RNF213: variants seen among roughly 807,000 people sequenced by gnomAD.
RNF213 encodes E3 ubiquitin-protein ligase RNF213.
RNF213 carries 341 observed loss-of-function variants against 514.4 expected under a neutral mutation model. The ratio of observed to expected loss-of-function variants is 0.66; its 90% CI spans 0.61 to 0.73. The LOEUF is 0.73. Among genes scored for constraint, RNF213 ranks in the 30% least tolerant of loss-of-function variants. The probability of loss-of-function intolerance (pLI) is 0.00; values close to 1 mark genes in which losing one functional copy is unlikely to be tolerated. For synonymous variants in RNF213, 2,655 were observed against 2,658.2 expected, an observed-to-expected ratio of 1.00 and a Z score of 0.04; for missense variants, 5,767 against 6,615.6, an observed-to-expected ratio of 0.87 and a Z score of 4.45.
chr17:80,346,342 C>G lies in RNF213; in HGVS notation c.8007C>G (p.Ser2669=). 1 of 1,613,790 alleles carries G rather than the reference C, an allele frequency of 6.2e-7. No individual in the cohort carries two copies. Among genetic ancestry groups the G allele is most frequent in the Non-Finnish European group, 8.5e-7 (1 of 1,180,024 alleles). Residue 2669 remains serine (S), a synonymous_variant, in exon 29 of 68, where the codon TCC becomes TCG. Coordinates refer to ENST00000582970, the MANE Select transcript of RNF213 (RefSeq NM_001256071.3). The surrounding 1 kb of genome is among the most constrained non-coding windows in gnomAD (Gnocchi z 8.1). ...LAQLNAFLSK[S]SVSKNHTERD... ...AGCTGAATGCCTTTCTCTCCAAGTC[C>G]AGCGTCAGCAAAAATCACACCGAGA...
At chr17:80,325,913 G>A (rs1277509688) in intron 18 of RNF213, among the ~76,000 whole-genome samples, 1 of 151,484 alleles carries the variant, frequency 6.6e-6, no homozygotes, top group Non-Finnish European at 1.5e-5. Context: ...CTACTCTCTT[G>A]AAAAGATCAT....
At chr17:80,388,484 T>C in intron 63 of RNF213, 128 bp from the exon 64 acceptor site, 1 of 753,914 alleles carries the variant, frequency 1.3e-6, no homozygotes, top group Non-Finnish European at 2.4e-6. Flanking sequence ...GGGGCGCTCT[T>C]AGCCAAGGGA....
In RNF213 at chr17:80,294,739, C is replaced by T; in HGVS notation, c.1491C>T (p.Asp497=). 1.2e-6 allele frequency: 2 copies of T among 1,614,034 alleles called. No homozygotes were observed. Among genetic ancestry groups the T allele is most frequent in the Non-Finnish European group, 1.7e-6 (2 of 1,180,040 alleles). Residue 497 remains aspartate (D), a synonymous_variant, in exon 9 of 68, where the codon GAC becomes GAT. Transcript: ENST00000582970. ...TCTTAGACTGGCATCAGTACTATGA[C>T]ATAGTTTATATGAAGCCTCATGGGA... ...LGSGDWHQYY[D]IVYMKPHGRL... is the part of the protein sequence containing the mutation.
Position 80,320,120 on chromosome 17 carries a change from A to AC in RNF213, c.3024+808_3024+809insC, listed in dbSNP as rs2046090752. On this transcript the variant is annotated intron_variant, in intron 17 of 67. Transcript: ENST00000582970. ...GATATGTACAGTCATCACCACAGTTAATGACAGAGCATTTTCATCACTTCA... is the reference window on the plus strand; with the variant it reads ...GATATGTACAGTCATCACCACAGTTACATGACAGAGCATTTTCATCACTTCA... 1.8e-5 allele frequency: 11 copies of AC among 599,494 alleles called. No individual in the cohort carries two copies. The South Asian group carries it at 5.8e-4, about 31-fold the overall frequency. The allele number at this position is 599,494 out of a possible 1,614,324, so 37.1% of individuals were successfully genotyped here.
At position 80,385,612 on chromosome 17, in the gene RNF213, G is replaced by A; in HGVS notation, c.14530G>A (p.Glu4844Lys). 1 of 1,614,056 alleles carries A rather than the reference G, an allele frequency of 6.2e-7. No homozygotes were observed. Among genetic ancestry groups the A allele is most frequent in the Non-Finnish European group, 8.5e-7 (1 of 1,179,916 alleles). Residue 4844 changes from glutamate to lysine, a missense_variant, in exon 61 of 68, where the codon GAG (glutamate) becomes AAG (lysine). Coordinates refer to ENST00000582970, the MANE Select transcript of RNF213 (RefSeq NM_001256071.3). ...STWNKLRRSL[E>K]TNGEINLPKD... The stretch of plus-strand genomic sequence containing the variant: ...ATGGAACAAACTGAGGAGATCGCTT[G>A]AGACGAACGGTTAGTATCCTGTCCC...
rs556650299 is a variant in RNF213, at chr17:80,300,316, G to A, written c.2210+1798G>A. Among the ~76,000 whole-genome samples, 170 of 150,980 alleles carry A rather than the reference G, an allele frequency of 1.1e-3. 1 individual carries two copies. Among genetic ancestry groups the A allele is most frequent in the African/African-American group, 4.0e-3 (166 of 41,064 alleles). ...GTCTGGCTCTGTCACCCAGGCTGGA[G>A]TGCAGTGGTGTGATCTCAGCTCACT... On this transcript the variant is annotated intron_variant, in intron 11 of 67. Coordinates refer to ENST00000582970, the MANE Select transcript of RNF213 (RefSeq NM_001256071.3).
Position 80,288,398 on chromosome 17 carries a change from A to G in RNF213, c.810+35A>G, listed in dbSNP as rs1358032030. 6.2e-7 allele frequency: 1 copy of G among 1,609,328 alleles called. No homozygotes were observed. Among genetic ancestry groups the G allele is most frequent in the Non-Finnish European group, 8.5e-7 (1 of 1,179,478 alleles). ...CCGGGAGAGATGGCCTGGGAGTGGC[A>G]CTGAGCCCTCGGCACCTGGGCTCTG... On this transcript the variant is annotated intron_variant, in intron 4 of 67. Coordinates refer to ENST00000582970, the MANE Select transcript of RNF213 (RefSeq NM_001256071.3). This position sits in a 1 kb window ranked among gnomAD's most constrained non-coding sequence, Gnocchi z 4.9.
Position 80,294,925 on chromosome 17 carries a change from T to G in RNF213, c.1677T>G (p.Phe559Leu). 2.5e-6 allele frequency: 4 copies of G among 1,614,192 alleles called. No individual in the cohort carries two copies. The highest frequency in any genetic ancestry group is 3.4e-6 in the Non-Finnish European group (4 of 1,180,046). Reference sequence around the variant, plus strand: ...GCTTCTTCACCCAGTTCGAGCAGTTTTGCTTTGTCCTGCAACAGCCTATGA... The same window carrying G: ...GCTTCTTCACCCAGTTCGAGCAGTTGTGCTTTGTCCTGCAACAGCCTATGA... ...LNSFFTQFEQ[F>L]CFVLQQPMIY... The change falls in exon 9 of 68, where the codon TTT becomes TTG. Residue 559 changes from phenylalanine to leucine, a missense_variant. This residue lies in a region of RNF213 where 592 missense variants were observed against 673.9 expected (regional missense o/e 0.88). Coordinates refer to ENST00000582970, the MANE Select transcript of RNF213 (RefSeq NM_001256071.3).
rs1222568471 is a variant in RNF213 at position 80,343,728 on chromosome 17, G to T, written c.6184-129G>T. The T allele has an allele frequency of 2.1e-6, 2 of 974,474 alleles. No homozygotes were observed. Among genetic ancestry groups the T allele is most frequent in the Middle Eastern group, 3.1e-4 (1 of 3,232 alleles). 60.4% of individuals were successfully genotyped at this position (974,474 alleles called of 1,614,324 possible). On this transcript the variant is annotated intron_variant, in intron 27 of 67. Transcript: ENST00000582970. This position sits in a 1 kb window ranked among gnomAD's most constrained non-coding sequence, Gnocchi z 4.3. ...GCTGCCCTTGGAGACATGGGCCGTTGTTGGCTGAAATGTTGATGTTGATCA... is the reference window on the plus strand; with the variant it reads ...GCTGCCCTTGGAGACATGGGCCGTTTTTGGCTGAAATGTTGATGTTGATCA...
intron 42 of RNF213, among the ~76,000 whole-genome samples, chr17:80,366,156 G>A (rs1221113552): frequency 6.6e-6 from 1 of 152,232 alleles, no homozygotes; most frequent in Non-Finnish European, 1.5e-5. Context: ...TCCGCCGTGA[G>A]GCTGGCTCCC....
chr17:80,261,325 G>A (rs913546043), intron 1 of RNF213, among the ~76,000 whole-genome samples: 8 of 152,258 alleles, frequency 5.3e-5, no homozygotes, highest in Admixed American at 6.5e-5. Context: ...ACGGAAAAGT[G>A]AAGTTGCAAA....
Position 80,334,228 on chromosome 17 carries a change from C to G in RNF213, c.4267C>G (p.Leu1423Val), listed in dbSNP as rs1299935566. The G allele has an allele frequency of 1.3e-6, 2 of 1,537,060 alleles. No individual in the cohort carries two copies. Among genetic ancestry groups the G allele is most frequent in the Non-Finnish European group, 8.7e-7 (1 of 1,146,890 alleles). ...GTGCAAGGGGCTGCAGGCTCTGTCC[C>G]TGAGAAAGGAGTTCATCTGCTGGGT... Reference protein sequence around the residue: ...ARCKGLQALSLRKEFICWVRE... With the variant: ...ARCKGLQALSVRKEFICWVRE... The change falls in exon 22 of 68, where the codon CTG becomes GTG. Residue 1423 changes from leucine (L) to valine (V), a missense_variant. This residue lies in a region of RNF213 where 516 missense variants were observed against 566.5 expected (regional missense o/e 0.91). Coordinates refer to ENST00000582970, the MANE Select transcript of RNF213 (RefSeq NM_001256071.3).
At chr17:80,298,300 G>A (rs1228655484) in intron 10 of RNF213, 21 bp from the exon 11 acceptor site, 16 of 1,613,004 alleles carry the variant, frequency 9.9e-6, no homozygotes, top group Non-Finnish European at 1.4e-5. Context: ...AGCTCACTGC[G>A]GGATCTTTAT....
At chr17:80,324,965 T>C in intron 17 of RNF213, 65 bp from the exon 18 acceptor site, 2 of 1,467,678 alleles carry the variant, frequency 1.4e-6, no homozygotes, top group Non-Finnish European at 1.8e-6. Flanking sequence ...TAATTTGCTT[T>C]TGTTATTTCA....
rs1007779074 is a variant in RNF213 at position 80,332,115 on chromosome 17, G to A, written c.3627G>A (p.Thr1209=). The A allele has an allele frequency of 9.1e-6, 14 of 1,537,058 alleles. No homozygotes were observed. Among genetic ancestry groups the A allele is most frequent in the African/African-American group, 2.7e-5 (2 of 73,034 alleles). ...LSTSSNSQRA[T]HYHLSSQVQE... ...CCTCCTCGAACTCGCAGAGGGCAAC[G>A]CATTACCACCTGAGCTCCCAGGTCC... is the stretch of plus-strand genomic sequence containing the variant. The change falls in exon 21 of 68, where the codon ACG becomes ACA. Residue 1209 remains threonine, a synonymous_variant. Transcript: ENST00000582970.
chr17:80,290,346 CGTGTGCATGTAT>C (rs760249870), intron 6 of RNF213, among the ~76,000 whole-genome samples: 5 of 148,848 alleles, frequency 3.4e-5, no homozygotes, highest in Admixed American at 1.3e-4. Context: ...CACGTGTGTG[CGTGTGCATGTAT>C]GTGTGCGTGT....
intron 3 of RNF213, among the ~76,000 whole-genome samples, chr17:80,287,516 A>ATAAG (rs1288493478): frequency 2.0e-5 from 3 of 152,168 alleles, no homozygotes; most frequent in African/African-American, 7.2e-5. Context: ...AAATAAATAA[A>ATAAG]TACAAATCCA....
intron 21 of RNF213, chr17:80,333,706 C>A (rs1325761407): frequency 1.5e-4 from 25 of 165,482 alleles, no homozygotes; most frequent in Middle Eastern, 6.1e-3. Flanking sequence ...AAAAAAAAAA[C>A]CAAAAAAAAA....
In RNF213 at chr17:80,368,141, C is replaced by T. The variant is rs555217083; in HGVS notation, c.12153C>T (p.His4051=). 1 of 1,614,176 alleles carries T rather than the reference C, an allele frequency of 6.2e-7. No individual in the cohort carries two copies. The highest frequency in any genetic ancestry group is 2.2e-5 in the East Asian group (1 of 44,888). ...DEFSPAVSQA[H]REAIEKHARF... ...TCTCTCCAGCTGTTTCCCAAGCGCA[C>T]AGGTACAACACCCTTTCTCTCAAGA... is the stretch of plus-strand genomic sequence containing the variant. Residue 4051 remains histidine (H), a splice_region_variant and synonymous_variant, in exon 44 of 68, where the codon CAC becomes CAT. Coordinates refer to ENST00000582970, the MANE Select transcript of RNF213 (RefSeq NM_001256071.3).
Sources: allele counts gnomAD v4.1 joint callset (sites outside exome capture counted in the v4.1 genomes callset), GRCh38; gene constraint gnomAD v4.1.1; regional missense constraint gnomAD v4.1.1; non-coding constraint Gnocchi (gnomAD v3.1); transcripts MANE v1.5; gene names NCBI Gene and HGNC (gene_info 2026-07-23, HGNC 2026-07-21).